Variants in MLLT3 observed in about 807,000 individuals in gnomAD.
MLLT3 encodes the protein protein AF-9.
MLLT3 carries 4 observed loss-of-function variants against 53.2 expected under a neutral mutation model. That is an observed-to-expected ratio of 0.08 (90% CI 0.04 to 0.17). The LOEUF (loss-of-function observed/expected upper bound fraction) is 0.17, where lower values mean the gene tolerates loss of function less well. Ranked by LOEUF, MLLT3 falls within the 10% of genes least tolerant of loss-of-function variation. The pLI is 1.00. For missense variants in MLLT3, 569 were observed against 684.0 expected (o/e 0.83, Z 1.87); for synonymous variants, 283 against 230.6 (o/e 1.23, Z -2.06).
At chr9:20,409,302 C>T (rs1822664301) in intron 5 of MLLT3, among the ~76,000 whole-genome samples, 1 of 152,086 alleles carries the variant, frequency 6.6e-6, no homozygotes, top group Non-Finnish European at 1.5e-5. Flanking sequence ...GCTGTGAATA[C>T]CAAACTTCTT....
intron 5 of MLLT3, among the ~76,000 whole-genome samples, chr9:20,407,913 T>C (rs1822625678): frequency 6.6e-6 from 1 of 152,186 alleles, no homozygotes. Context: ...ATGCTAGTCT[T>C]GCAAAGCCCA....
chr9:20,583,201 C>G (rs1006736308), intron 2 of MLLT3, among the ~76,000 whole-genome samples: 28 of 152,138 alleles, frequency 1.8e-4, no homozygotes, highest in Non-Finnish European at 3.2e-4. Flanking sequence ...CCAAAATGAT[C>G]TCCTTTGACT....
At chr9:20,383,869 T>C (rs2118703253) in intron 5 of MLLT3, among the ~76,000 whole-genome samples, 1 of 152,100 alleles carries the variant, frequency 6.6e-6, no homozygotes, top group East Asian at 1.9e-4. Context: ...TAGCAAGGAC[T>C]TCTATACAAA....
At chr9:20,372,854 G>T (rs185273354) in intron 5 of MLLT3, among the ~76,000 whole-genome samples, 22 of 152,098 alleles carry the variant, frequency 1.4e-4, no homozygotes, top group Non-Finnish European at 8.8e-5. Context: ...AGCATTTCTG[G>T]CAACAAGGTA....
intron 2 of MLLT3, among the ~76,000 whole-genome samples, chr9:20,601,979 T>C (rs1224853851): frequency 6.6e-6 from 1 of 152,136 alleles, no homozygotes; most frequent in Admixed American, 6.6e-5. Context: ...AGGACTTTTC[T>C]TGGGGCACTG....
At chr9:20,532,373 T>C (rs575345794) in intron 2 of MLLT3, among the ~76,000 whole-genome samples, 4 of 152,032 alleles carry the variant, frequency 2.6e-5, no homozygotes, top group South Asian at 2.1e-4. Flanking sequence ...CTGTGAAAAT[T>C]TGTGGAATAG....
intron 5 of MLLT3, among the ~76,000 whole-genome samples, chr9:20,412,217 C>T (rs973864308): frequency 2.6e-5 from 4 of 151,932 alleles, no homozygotes; most frequent in African/African-American, 9.7e-5. Context: ...GTCAAACACA[C>T]ACAAAAAAGG....
At chr9:20,576,305 AAG>A (rs1819652472) in intron 2 of MLLT3, among the ~76,000 whole-genome samples, 2 of 152,154 alleles carry the variant, frequency 1.3e-5, no homozygotes, top group East Asian at 3.9e-4. Context: ...TATCAGCAAT[AAG>A]GCTATTTGCT....
intron 2 of MLLT3, among the ~76,000 whole-genome samples, chr9:20,584,205 T>A (rs1163449764): frequency 6.6e-6 from 1 of 152,168 alleles, no homozygotes; most frequent in African/African-American, 2.4e-5. Flanking sequence ...TTGCTCCTGT[T>A]CCCAACAAGT....
intron 3 of MLLT3, among the ~76,000 whole-genome samples, chr9:20,454,684 A>G (rs1313375048): frequency 6.6e-6 from 1 of 152,192 alleles, no homozygotes; most frequent in Non-Finnish European, 1.5e-5. Context: ...AAATTAAAAC[A>G]CTGGCTATGA....
At chr9:20,436,211 T>C (rs945218681) in intron 4 of MLLT3, among the ~76,000 whole-genome samples, 2 of 152,188 alleles carry the variant, frequency 1.3e-5, no homozygotes, top group African/African-American at 2.4e-5. Context: ...TATAAAGTCA[T>C]GCATAACCTT....
intron 2 of MLLT3, among the ~76,000 whole-genome samples, chr9:20,457,901 C>A (rs1404960820): frequency 1.3e-5 from 2 of 152,160 alleles, no homozygotes; most frequent in Non-Finnish European, 2.9e-5. Flanking sequence ...GGTGGTATCA[C>A]AAAGTAAACA....
At chr9:20,463,503 G>A (rs897524794) in intron 2 of MLLT3, among the ~76,000 whole-genome samples, 2 of 152,052 alleles carry the variant, frequency 1.3e-5, no homozygotes, top group African/African-American at 4.8e-5. Flanking sequence ...CCCAAAACTA[G>A]GTAATATTAT....
chr9:20,471,384 A>T (rs1387547757), intron 2 of MLLT3, among the ~76,000 whole-genome samples: 1 of 152,040 alleles, frequency 6.6e-6, no homozygotes, highest in Non-Finnish European at 1.5e-5. Flanking sequence ...CAGAAAGTCA[A>T]GGAGGACTGA....
chr9:20,407,402 T>C (rs1224076828), intron 5 of MLLT3, among the ~76,000 whole-genome samples: 1 of 152,176 alleles, frequency 6.6e-6, no homozygotes, highest in East Asian at 1.9e-4. Flanking sequence ...CTCCTGGATG[T>C]TTCACAGCTC....
At chr9:20,415,552 T>C in intron 4 of MLLT3, 1 of 384,426 alleles carries the variant, frequency 2.6e-6, no homozygotes, top group Non-Finnish European at 3.6e-6. Context: ...TTCCACTTCC[T>C]AATGGAACCA....
intron 5 of MLLT3, among the ~76,000 whole-genome samples, chr9:20,390,382 T>G (rs1315219516): frequency 6.6e-6 from 1 of 152,174 alleles, no homozygotes; most frequent in Admixed American, 6.5e-5. Context: ...TGAAGATGGA[T>G]CTACAATTGT....
intron 5 of MLLT3, among the ~76,000 whole-genome samples, chr9:20,410,353 G>C (rs1822697285): frequency 6.6e-6 from 1 of 152,026 alleles, no homozygotes; most frequent in African/African-American, 2.4e-5. Flanking sequence ...TTTTTTATTA[G>C]TGTGTTAACG....
At chr9:20,565,959 TATATATATTTATA>T (rs1819354542) in intron 2 of MLLT3, among the ~76,000 whole-genome samples, 5 of 37,002 alleles carry the variant, frequency 1.4e-4, no homozygotes, top group South Asian at 1.0e-3. Flanking sequence ...TATATTTATA[TATATATATTTATA>T]TATATATATA....
Sources: gnomAD v4.1 joint callset for allele counts (sites outside exome capture counted in the v4.1 genomes callset) on GRCh38, gnomAD v4.1.1 for gene constraint, MANE v1.5 for transcripts, NCBI Gene and HGNC (gene_info 2026-07-23, HGNC 2026-07-21) for gene names.